The following KMT2E variants were observed in gnomAD, a reference collection of about 807,000 sequenced individuals.
KMT2E encodes lysine methyltransferase 2E (inactive), also known as histone reader KMT2E.
Under a neutral mutation model 184.6 loss-of-function variants are expected in KMT2E, and 30 were observed. That is an observed-to-expected ratio of 0.16 (90% confidence interval 0.12 to 0.22). The LOEUF (loss-of-function observed/expected upper bound fraction) is 0.22. KMT2E is among the 10% of genes least tolerant of loss of function. The pLI, the probability that KMT2E is intolerant of heterozygous loss-of-function variation, is 1.00. For synonymous variants in KMT2E, 815 were observed against 776.5 expected, an observed-to-expected ratio of 1.05 and a Z score of -0.82; for missense variants, 2,023 against 2,237.4, an observed-to-expected ratio of 0.90 and a Z score of 1.93.
chr7:105,026,815 T>A (rs1246453256), intron 1 of KMT2E, among the ~76,000 whole-genome samples: 2 of 152,188 alleles, frequency 1.3e-5, no homozygotes, highest in East Asian at 3.8e-4. Context: ...TCTACAGTGA[T>A]AGTGGAAGTT....
At chr7:105,042,727 T>A (rs1307677011) in intron 3 of KMT2E, among the ~76,000 whole-genome samples, 1 of 152,218 alleles carries the variant, frequency 6.6e-6, no homozygotes, top group Admixed American at 6.5e-5. Flanking sequence ...TCATTTGCTC[T>A]TTATTTTTAA....
intron 1 of KMT2E, among the ~76,000 whole-genome samples, chr7:105,015,239 T>G (rs1286031812): frequency 6.6e-6 from 1 of 152,212 alleles, no homozygotes; most frequent in East Asian, 1.9e-4. Context: ...GAAAAGCTTA[T>G]TTTGACCAAG....
At chr7:105,111,635 A>G (rs886381519) in intron 26 of KMT2E, among the ~76,000 whole-genome samples, 190 bp from the exon 27 acceptor site, 44 of 152,302 alleles carry the variant, frequency 2.9e-4, no homozygotes, top group African/African-American at 8.9e-4. Flanking sequence ...GCTCACGCTC[A>G]TAACTTTTTG....
intron 3 of KMT2E, among the ~76,000 whole-genome samples, chr7:105,046,028 A>G (rs1562889006): frequency 6.6e-6 from 1 of 152,070 alleles, no homozygotes; most frequent in Non-Finnish European, 1.5e-5. Context: ...CTGTTTTTGC[A>G]TGCTCATGAC....
chr7:105,073,242 A>G (rs1213604736), intron 6 of KMT2E, among the ~76,000 whole-genome samples: 1 of 151,866 alleles, frequency 6.6e-6, no homozygotes, highest in Non-Finnish European at 1.5e-5. Context: ...ACAAAAAATT[A>G]AAAAATTAGC....
intron 3 of KMT2E, among the ~76,000 whole-genome samples, chr7:105,054,640 G>A (rs1282920917): frequency 1.3e-5 from 2 of 151,958 alleles, no homozygotes; most frequent in East Asian, 1.9e-4. Context: ...TCAGCCTCCC[G>A]AGTAGCTGGG....
chr7:105,043,236 T>C (rs1795956017), intron 3 of KMT2E, among the ~76,000 whole-genome samples: 1 of 151,382 alleles, frequency 6.6e-6, no homozygotes, highest in Non-Finnish European at 1.5e-5. Context: ...AATTTCTTTT[T>C]TTCTTTTTTT....
chr7:105,030,083 A>T (rs1328664581), intron 1 of KMT2E, among the ~76,000 whole-genome samples: 1 of 152,228 alleles, frequency 6.6e-6, no homozygotes, highest in Non-Finnish European at 1.5e-5. Flanking sequence ...GAAGCTATAC[A>T]TTTAGCAGCT....
At chr7:105,056,694 T>C (rs1436551381) in intron 3 of KMT2E, among the ~76,000 whole-genome samples, 2 of 152,214 alleles carry the variant, frequency 1.3e-5, no homozygotes, top group Admixed American at 6.5e-5. Context: ...ACTAAAGTTA[T>C]AAAACAATTT....
chr7:105,077,609 A>T, intron 11 of KMT2E, 176 bp downstream of exon 11: 1 of 553,896 alleles, frequency 1.8e-6, no homozygotes, highest in Non-Finnish European at 3.2e-6. Flanking sequence ...CGATAAACTA[A>T]AACAACATAA....
chr7:105,112,282 A>G lies in KMT2E; in HGVS notation c.4526A>G (p.Asn1509Ser), dbSNP rs550780791. 16 of 1,614,110 alleles carry G rather than the reference A, an allele frequency of 9.9e-6. No homozygotes were observed. Among genetic ancestry groups the G allele is most frequent in the African/African-American group, 1.3e-5 (1 of 75,020 alleles). The change falls in exon 27 of 27, where the codon AAT (asparagine) becomes AGT (serine). Residue 1509 changes from asparagine to serine, a missense_variant. Asn to Ser is a conservative substitution (Grantham distance 46). Coordinates refer to ENST00000311117, the MANE Select transcript of KMT2E (RefSeq NM_182931.3). ...CCAGCAGCACAGAACCTTCCAGCCAATACTCAGCAGGCAACTTCTGGAACA... is the reference window on the plus strand; with the variant it reads ...CCAGCAGCACAGAACCTTCCAGCCAGTACTCAGCAGGCAACTTCTGGAACA... The part of the protein sequence containing the change: ...FYPAAQNLPA[N>S]TQQATSGTLF...
intron 3 of KMT2E, among the ~76,000 whole-genome samples, chr7:105,051,819 G>C (rs1434610698): frequency 1.3e-5 from 2 of 152,106 alleles, no homozygotes; most frequent in Admixed American, 6.6e-5. Flanking sequence ...CATCGTGTTG[G>C]CCAGGCTGGT....
intron 15 of KMT2E, among the ~76,000 whole-genome samples, chr7:105,096,432 CAGA>C (rs1221933966): frequency 6.6e-6 from 1 of 151,982 alleles, no homozygotes; most frequent in Admixed American, 6.6e-5. Context: ...ATTGAGTCCA[CAGA>C]AGATGATTCA....
intron 15 of KMT2E, among the ~76,000 whole-genome samples, chr7:105,092,010 T>C (rs905791852): frequency 6.6e-6 from 1 of 152,250 alleles, no homozygotes; most frequent in Non-Finnish European, 1.5e-5. Context: ...GATGGCCTTA[T>C]GATAGGTGCT....
chr7:105,046,235 C>A (rs984049546), intron 3 of KMT2E, among the ~76,000 whole-genome samples: 2 of 152,150 alleles, frequency 1.3e-5, no homozygotes, highest in Admixed American at 1.3e-4. Context: ...ATTTTTCACT[C>A]AAAGACAGCA....
intron 1 of KMT2E, among the ~76,000 whole-genome samples, chr7:105,031,768 T>G (rs767957294): frequency 7.2e-6 from 1 of 138,334 alleles, no homozygotes; most frequent in African/African-American, 2.7e-5. Context: ...ATAAATAAAT[T>G]AAATAAATAA....
At chr7:105,087,158 A>T (rs1798008239) in intron 13 of KMT2E, among the ~76,000 whole-genome samples, 1 of 147,142 alleles carries the variant, frequency 6.8e-6, no homozygotes, top group Non-Finnish European at 1.5e-5. Context: ...GGTCATGCGG[A>T]CTGGTATATA....
chr7:105,053,764 C>T (rs1796443178), intron 3 of KMT2E, among the ~76,000 whole-genome samples: 1 of 152,128 alleles, frequency 6.6e-6, no homozygotes, highest in Non-Finnish European at 1.5e-5. Flanking sequence ...CTGTAATCTA[C>T]TCAGGAGGCT....
intron 20 of KMT2E, 25 bp downstream of exon 20, chr7:105,106,797 A>G (rs1299538824): frequency 6.2e-7 from 1 of 1,605,908 alleles, no homozygotes. Flanking sequence ...TGGAGAAAAA[A>G]AAATTCAACA....
Sources: allele counts gnomAD v4.1 joint callset (sites outside exome capture counted in the v4.1 genomes callset), GRCh38; gene constraint gnomAD v4.1.1; transcripts MANE v1.5; gene names NCBI Gene and HGNC (gene_info 2026-07-23, HGNC 2026-07-21).